The following HMCN1 variants were observed in gnomAD, a reference collection of about 807,000 sequenced individuals.
HMCN1 encodes the protein hemicentin 1.
Under a neutral mutation model 625.9 loss-of-function variants are expected in HMCN1, and 321 were observed. The observed-to-expected ratio is 0.51, with a 90% confidence interval of 0.47 to 0.56. HMCN1 has a LOEUF of 0.56. Among genes scored for constraint, HMCN1 ranks in the 20% least tolerant of loss-of-function variants. The pLI is 0.00. For missense variants in HMCN1, 6,588 were observed against 6,887.3 expected, an observed-to-expected ratio of 0.96 and a Z score of 1.54; for synonymous variants, 2,425 against 2,417.6, an observed-to-expected ratio of 1.00 and a Z score of -0.09.
chr1:185,946,207 T>G (rs999765808), intron 11 of HMCN1, among the ~76,000 whole-genome samples: 2 of 152,214 alleles, frequency 1.3e-5, no homozygotes, highest in South Asian at 4.1e-4. Flanking sequence ...GCAGATAAAT[T>G]TATCTATCAA....
intron 1 of HMCN1, among the ~76,000 whole-genome samples, chr1:185,816,397 C>T (rs1178728610): frequency 6.6e-6 from 1 of 152,180 alleles, no homozygotes; most frequent in African/African-American, 2.4e-5. Context: ...AATTCCATAA[C>T]CATAGCTTGA....
chr1:185,824,489 A>G (rs1660389657), intron 1 of HMCN1, among the ~76,000 whole-genome samples: 1 of 152,154 alleles, frequency 6.6e-6, no homozygotes, highest in African/African-American at 2.4e-5. Flanking sequence ...AAGCTACACA[A>G]TGCCTTCTGA....
In HMCN1 at chr1:186,090,853, A is replaced by G; in HGVS notation, c.9823A>G (p.Thr3275Ala). Residue 3275 changes from threonine (T) to alanine (A), a missense_variant, in exon 64 of 107, where the codon ACT (threonine) becomes GCT (alanine). Physicochemically the swap from Thr to Ala is moderately conservative, Grantham distance 58. Coordinates refer to ENST00000271588, the MANE Select transcript of HMCN1 (RefSeq NM_031935.3). The stretch of plus-strand genomic sequence containing the variant: ...GGTCTGCAATGCAAATGGCATTCCT[A>G]CTCCACTTATTCAATGGCTTAAAGA... ...ELVCNANGIP[T>A]PLIQWLKDGK... The G allele has an allele frequency of 6.2e-7, 1 of 1,612,518 alleles. No individual in the cohort carries two copies. Among genetic ancestry groups the G allele is most frequent in the East Asian group, 2.2e-5 (1 of 44,820 alleles).
intron 1 of HMCN1, among the ~76,000 whole-genome samples, chr1:185,814,120 C>T (rs1365465169): frequency 6.6e-6 from 1 of 152,074 alleles, no homozygotes; most frequent in Non-Finnish European, 1.5e-5. Context: ...CAAATTTAAC[C>T]TCTTATTTGA....
At chr1:185,790,967 T>C (rs1657950134) in intron 1 of HMCN1, among the ~76,000 whole-genome samples, 1 of 152,196 alleles carries the variant, frequency 6.6e-6, no homozygotes, top group South Asian at 2.1e-4. Flanking sequence ...GTGCACCTCC[T>C]ATATTATTCT....
intron 1 of HMCN1, among the ~76,000 whole-genome samples, chr1:185,781,690 T>C (rs1307466149): frequency 6.6e-6 from 1 of 152,250 alleles, no homozygotes; most frequent in African/African-American, 2.4e-5. Context: ...AGTTCTTATT[T>C]GATTGCACTG....
chr1:186,079,518 A>G (rs920910017), intron 55 of HMCN1, among the ~76,000 whole-genome samples: 5 of 152,210 alleles, frequency 3.3e-5, no homozygotes, highest in Admixed American at 6.5e-5. Context: ...AACAGGTTAT[A>G]TAACAAGTAG....
At position 186,061,827 on chromosome 1, in the gene HMCN1, T is replaced by TA. The variant is rs755760784; in HGVS notation, c.7313-19dup. On this transcript the variant is annotated intron_variant, in intron 46 of 106. Coordinates refer to ENST00000271588, the MANE Select transcript of HMCN1 (RefSeq NM_031935.3). ...TTTCATTTTTCTTTTTAAGTTATCT[T>TA]AAAAAGATGGTTTGCTTCTGCAGGA... 5.9e-6 allele frequency: 9 copies of TA among 1,520,832 alleles called. No homozygotes were observed. The South Asian group carries it at 9.0e-5, about 15-fold the overall frequency. The allele number at this position is 1,520,832 out of a possible 1,614,324, so 94.2% of individuals were successfully genotyped here. A position where few individuals can be genotyped will look rare whatever the true frequency, so the allele number is the denominator to read the frequency against.
intron 4 of HMCN1, among the ~76,000 whole-genome samples, chr1:185,887,637 T>G (rs1181860177): frequency 6.7e-6 from 1 of 148,574 alleles, no homozygotes; most frequent in Non-Finnish European, 1.5e-5. Context: ...GGACATGAAC[T>G]CATCATTTTT....
At chr1:186,031,739 C>T (rs942866920) in intron 36 of HMCN1, among the ~76,000 whole-genome samples, 1 of 151,998 alleles carries the variant, frequency 6.6e-6, no homozygotes, top group Non-Finnish European at 1.5e-5. Context: ...GACCAATCTT[C>T]AAATTTGTTG....
Position 186,115,413 on chromosome 1 carries a change from A to C in HMCN1, c.11560A>C (p.Arg3854=), listed in dbSNP as rs1287668339. 1 of 1,612,318 alleles carries C rather than the reference A, an allele frequency of 6.2e-7. No homozygotes were observed. The highest frequency in any genetic ancestry group is 1.7e-5 in the Admixed American group (1 of 60,020). The change falls in exon 75 of 107, where the codon AGG becomes CGG. Residue 3854 remains arginine, a splice_region_variant and synonymous_variant. Transcript: ENST00000271588. Reference sequence around the variant, plus strand: ...TGTGGATCAAAATCAGAACTCATACAGGTAAGGATAATTTAAAACTCCTAC... The same window carrying C: ...TGTGGATCAAAATCAGAACTCATACCGGTAAGGATAATTTAAAACTCCTAC... The part of the protein sequence containing the change: ...LNVDQNQNSY[R]LLSSGSLVII...
At chr1:185,796,371 GA>G (rs1420796249) in intron 1 of HMCN1, among the ~76,000 whole-genome samples, 1 of 152,074 alleles carries the variant, frequency 6.6e-6, no homozygotes, top group Non-Finnish European at 1.5e-5. Flanking sequence ...GGGTGTTGAG[GA>G]CCCCTGGTGT....
In HMCN1 at chr1:186,112,808, C is replaced by T. The variant is rs758073795; in HGVS notation, c.10990-4C>T. On this transcript the variant is annotated splice_polypyrimidine_tract_variant and splice_region_variant and intron_variant, in intron 71 of 106. Transcript: ENST00000271588. ...CGGCAAATTTCTTTACTTGCTGAAT[C>T]CAGGCAACACCTCGAGTGCGAATCC... 32 of 1,613,962 alleles carry T rather than the reference C, an allele frequency of 2.0e-5. No homozygotes were observed. The highest frequency in any genetic ancestry group is 5.1e-6 in the Non-Finnish European group (6 of 1,179,984).
At chr1:185,799,665 G>A (rs1283815549) in intron 1 of HMCN1, among the ~76,000 whole-genome samples, 1 of 152,132 alleles carries the variant, frequency 6.6e-6, no homozygotes, top group Non-Finnish European at 1.5e-5. Context: ...GGGTGTTTAG[G>A]GGCATGCTGG....
intron 2 of HMCN1, among the ~76,000 whole-genome samples, chr1:185,849,246 G>C (rs145620272): frequency 6.6e-6 from 1 of 151,990 alleles, no homozygotes; most frequent in East Asian, 1.9e-4. Flanking sequence ...TGCTGTTCTC[G>C]CACAGAGAGT....
rs761518590 is a variant in HMCN1, at chr1:186,088,678, CAG to C, written c.9652_9653del (p.Asp3218Ter). On this transcript the variant is annotated frameshift_variant, in exon 63 of 107. Coordinates refer to ENST00000271588, the MANE Select transcript of HMCN1 (RefSeq NM_031935.3). LOFTEE classifies it high-confidence loss of function. ...CTCCAGATTGCCCGGTCTCAGCATT[CAG>C]ATAGTGGAAACTATACATGTATTGC... The C allele has an allele frequency of 6.2e-7, 1 of 1,611,854 alleles. No homozygotes were observed. The highest frequency in any genetic ancestry group is 8.5e-7 in the Non-Finnish European group (1 of 1,178,736).
chr1:186,139,040 T>C (rs1046256627), intron 89 of HMCN1, among the ~76,000 whole-genome samples: 2 of 152,080 alleles, frequency 1.3e-5, no homozygotes, highest in African/African-American at 4.8e-5. Flanking sequence ...AATGATGGAG[T>C]ACAACTTGGA....
Position 185,925,108 on chromosome 1 carries a change from T to A in HMCN1, c.1347T>A (p.Ile449=). The A allele has an allele frequency of 5.6e-6, 9 of 1,613,926 alleles. No individual in the cohort carries two copies. The South Asian group carries it at 9.9e-5, about 18-fold the overall frequency. Residue 449 remains isoleucine (I), a synonymous_variant, in exon 9 of 107, where the codon ATT becomes ATA. Transcript: ENST00000271588. Reference sequence around the variant, plus strand: ...GATACTATCTGCAGCCGGGCCAAATTCCCTGCTCTGTTGACAGTCTTTTGC... The same window carrying A: ...GATACTATCTGCAGCCGGGCCAAATACCCTGCTCTGTTGACAGTCTTTTGC... ...TPGYYLQPGQ[I]PCSVDSLLPF...
At chr1:186,164,425 G>C (rs1651741511) in intron 97 of HMCN1, among the ~76,000 whole-genome samples, 1 of 151,864 alleles carries the variant, frequency 6.6e-6, no homozygotes, top group African/African-American at 2.4e-5. Flanking sequence ...ATTTTTAGTA[G>C]AGACAGACGG....
Sources: allele counts gnomAD v4.1 joint callset (sites outside exome capture counted in the v4.1 genomes callset), GRCh38; gene constraint gnomAD v4.1.1; transcripts MANE v1.5; gene names NCBI Gene and HGNC (gene_info 2026-07-23, HGNC 2026-07-21).